The following RNF144A variants were observed in gnomAD, a reference collection of about 807,000 sequenced individuals.
The protein encoded by RNF144A is ring finger protein 144A, also known as E3 ubiquitin-protein ligase RNF144A.
RNF144A carries 11 observed loss-of-function variants against 38.7 expected under a neutral mutation model. The ratio of observed to expected loss-of-function variants is 0.28; its 90% CI spans 0.18 to 0.47. RNF144A has a LOEUF of 0.47. Among genes scored for constraint, RNF144A ranks in the 20% least tolerant of loss-of-function variants. The pLI is 0.99. For missense variants in RNF144A, 316 were observed against 377.2 expected (o/e 0.84, Z 1.34); for synonymous variants, 149 against 143.9 (o/e 1.04, Z -0.25).
chr2:6,926,734 C>T (rs1252239563), intron 1 of RNF144A, among the ~76,000 whole-genome samples: 2 of 152,212 alleles, frequency 1.3e-5, no homozygotes, highest in Non-Finnish European at 2.9e-5. Context: ...CCTTCAAAGA[C>T]ATTTGAGTCC....
At chr2:7,024,624 T>C in intron 7 of RNF144A, 108 bp downstream of exon 7, 1 of 1,250,466 alleles carries the variant, frequency 8.0e-7, no homozygotes. Flanking sequence ...CCTACTCCTG[T>C]GTAACAGTGA....
At chr2:7,036,886 C>T (rs1284385016) in intron 8 of RNF144A, among the ~76,000 whole-genome samples, 2 of 152,114 alleles carry the variant, frequency 1.3e-5, no homozygotes, top group Non-Finnish European at 2.9e-5. Flanking sequence ...AAACCTGGGT[C>T]GGACATTGAT....
intron 5 of RNF144A, among the ~76,000 whole-genome samples, chr2:7,015,207 G>A (rs561870581): frequency 7.2e-5 from 11 of 152,306 alleles, no homozygotes; most frequent in South Asian, 2.1e-4. Flanking sequence ...ACAACAGTCC[G>A]ATGGTAGGTG....
At position 7,030,225 on chromosome 2, in the gene RNF144A, G is replaced by T; in HGVS notation, c.747+10G>T. 1 of 1,593,082 alleles carries T rather than the reference G, an allele frequency of 6.3e-7. No individual in the cohort carries two copies. The highest frequency in any genetic ancestry group is 8.6e-7 in the Non-Finnish European group (1 of 1,161,514). On this transcript the variant is annotated intron_variant, in intron 8 of 8. Coordinates refer to ENST00000320892, the MANE Select transcript of RNF144A (RefSeq NM_014746.6). ...CTGGCATCGGACACAGGTAGGAGGT[G>T]ATTTGCCTGGAAGGTTGATCTCAGA...
Position 7,043,222 on chromosome 2 carries a change from G to C in RNF144A, c.*3462G>C, listed in dbSNP as rs1673157078. The C allele has an allele frequency of 2.0e-6, 2 of 985,236 alleles. No homozygotes were observed. Among genetic ancestry groups the C allele is most frequent in the Non-Finnish European group, 2.4e-6 (2 of 829,896 alleles). The allele number at this position is 985,236 out of a possible 1,614,324, so 61.0% of individuals were successfully genotyped here. On this transcript the variant is annotated 3_prime_UTR_variant, in exon 9 of 9. Transcript: ENST00000320892. ...GACAACATATTATTCCATAAAACCA[G>C]TTTAGGGCACAGGCCAGTTCCTGAT... is the stretch of plus-strand genomic sequence containing the variant.
intron 2 of RNF144A, among the ~76,000 whole-genome samples, chr2:6,965,338 G>A (rs1253444366): frequency 1.3e-5 from 2 of 152,192 alleles, no homozygotes; most frequent in Admixed American, 1.3e-4. Context: ...GCAAGGTGGG[G>A]AGCGGCCCCC....
chr2:6,923,616 T>G (rs1030932039), intron 1 of RNF144A, among the ~76,000 whole-genome samples: 5 of 152,196 alleles, frequency 3.3e-5, no homozygotes, highest in African/African-American at 1.2e-4. Flanking sequence ...TGGGTGACTG[T>G]GGAGATGCTC....
rs1481491200 is a variant in RNF144A at position 6,943,535 on chromosome 2, A to G, written c.-12+2388A>G. 3.3e-5 allele frequency among the ~76,000 whole-genome samples: 5 copies of G among 152,222 alleles called. No individual in the cohort carries two copies. The highest frequency in any genetic ancestry group is 4.4e-5 in the Non-Finnish European group (3 of 68,030). On this transcript the variant is annotated intron_variant, in intron 2 of 8. Coordinates refer to ENST00000320892, the MANE Select transcript of RNF144A (RefSeq NM_014746.6). This position sits in a 1 kb window ranked among gnomAD's most constrained non-coding sequence, Gnocchi z 4.3. Reference sequence around the variant, plus strand: ...TTTTTCAGTTGGAAGCATTATCAGCATGTTTAGATGCTGATGGGAGTGATT... The same window carrying G: ...TTTTTCAGTTGGAAGCATTATCAGCGTGTTTAGATGCTGATGGGAGTGATT...
At chr2:6,969,239 A>G (rs563258857) in intron 2 of RNF144A, among the ~76,000 whole-genome samples, 1 of 152,208 alleles carries the variant, frequency 6.6e-6, no homozygotes, top group Non-Finnish European at 1.5e-5. Context: ...CTCCCAGTAC[A>G]TCAGAGTGTG....
At chr2:6,961,484 C>T (rs188154839) in intron 2 of RNF144A, among the ~76,000 whole-genome samples, 23 of 152,102 alleles carry the variant, frequency 1.5e-4, no homozygotes, top group East Asian at 3.9e-4. Flanking sequence ...GGAGTCCCTG[C>T]GATCCAGAGT....
chr2:6,922,037 C>T (rs1301200954), intron 1 of RNF144A, among the ~76,000 whole-genome samples: 1 of 152,158 alleles, frequency 6.6e-6, no homozygotes, highest in East Asian at 1.9e-4. Flanking sequence ...CTGGAAGGTC[C>T]CATCAGTGCA....
intron 5 of RNF144A, among the ~76,000 whole-genome samples, chr2:7,015,614 C>A (rs1218635725): frequency 1.3e-5 from 2 of 152,202 alleles, no homozygotes; most frequent in African/African-American, 4.8e-5. Flanking sequence ...CTCTGAAATA[C>A]TCCGGGGTCA....
intron 3 of RNF144A, among the ~76,000 whole-genome samples, chr2:7,000,877 A>AT (rs915027883): frequency 6.7e-5 from 10 of 149,478 alleles, no homozygotes; most frequent in African/African-American, 2.0e-4. Context: ...TATATATATA[A>AT]TTTTTTTTTG....
At chr2:6,973,425 C>T (rs1334532484) in intron 2 of RNF144A, among the ~76,000 whole-genome samples, 1 of 152,192 alleles carries the variant, frequency 6.6e-6, no homozygotes, top group Non-Finnish European at 1.5e-5. Flanking sequence ...GTAAGGCCCT[C>T]GTATTGCCAT....
At chr2:6,995,006 G>A (rs1222820925) in intron 2 of RNF144A, among the ~76,000 whole-genome samples, 1 of 152,102 alleles carries the variant, frequency 6.6e-6, no homozygotes, top group Non-Finnish European at 1.5e-5. Flanking sequence ...TGAGCTTTCA[G>A]GATCCTGCAG....
At chr2:7,004,911 C>T (rs1267863335) in intron 3 of RNF144A, among the ~76,000 whole-genome samples, 1 of 152,078 alleles carries the variant, frequency 6.6e-6, no homozygotes, top group Non-Finnish European at 1.5e-5. Flanking sequence ...TAATGGCCCT[C>T]CAAAAAAAAT....
At chr2:7,001,958 G>A (rs1349689282) in intron 3 of RNF144A, among the ~76,000 whole-genome samples, 1 of 152,160 alleles carries the variant, frequency 6.6e-6, no homozygotes, top group Non-Finnish European at 1.5e-5. Context: ...ATTAAATGGG[G>A]CAATGGGTAT....
At chr2:7,064,874 C>G (rs1327316341) in intron 6 of RNF144A, among the ~76,000 whole-genome samples, 2 of 152,200 alleles carry the variant, frequency 1.3e-5, no homozygotes, top group Non-Finnish European at 2.9e-5. Flanking sequence ...GAAGACAGAC[C>G]TGGAGGTGGC....
intron 1 of RNF144A, among the ~76,000 whole-genome samples, chr2:6,925,567 G>A (rs969748697): frequency 6.6e-6 from 1 of 152,130 alleles, no homozygotes; most frequent in Non-Finnish European, 1.5e-5. Context: ...AAGCAGGCAG[G>A]AACCTCAGGA....
Sources: gnomAD v4.1 joint callset for allele counts (sites outside exome capture counted in the v4.1 genomes callset) on GRCh38, gnomAD v4.1.1 for gene constraint, Gnocchi (gnomAD v3.1) non-coding constraint, MANE v1.5 for transcripts, NCBI Gene and HGNC (gene_info 2026-07-23, HGNC 2026-07-21) for gene names.